The following ATP1A2 variants were observed in gnomAD, a reference collection of about 807,000 sequenced individuals.
The protein encoded by ATP1A2 is ATPase Na+/K+ transporting subunit alpha 2, also known as sodium/potassium-transporting ATPase subunit alpha-2.
A neutral mutation model predicts 113.1 loss-of-function variants in ATP1A2; 56 were observed. The observed-to-expected ratio is 0.49, with a 90% CI of 0.40 to 0.62. ATP1A2 has a LOEUF of 0.62. Ranked by LOEUF, ATP1A2 falls within the 20% of genes least tolerant of loss-of-function variation. ATP1A2 has a pLI of 0.00. For missense variants in ATP1A2, 712 were observed against 1,357.8 expected (o/e 0.52, Z 7.47); for synonymous variants, 490 against 526.8 (o/e 0.93, Z 0.96).
intron 1 of ATP1A2, among the ~76,000 whole-genome samples, chr1:160,118,382 C>A (rs1440300462): frequency 6.6e-6 from 1 of 152,010 alleles, no homozygotes; most frequent in African/African-American, 2.4e-5. Context: ...GCTCAGCCAG[C>A]CTGATCTCTT....
At chr1:160,119,969 C>T (rs1266107560) in intron 1 of ATP1A2, among the ~76,000 whole-genome samples, 1 of 151,418 alleles carries the variant, frequency 6.6e-6, no homozygotes, top group Non-Finnish European at 1.5e-5. Context: ...GTGCAGTGAG[C>T]TGAAATTGCA....
chr1:160,130,642 CA>C, intron 13 of ATP1A2, 45 bp downstream of exon 13: 1 of 1,613,188 alleles, frequency 6.2e-7, no homozygotes, highest in South Asian at 1.1e-5. Flanking sequence ...TCCCCCATGC[CA>C]GAGTTCAAGG....
chr1:160,116,395 G>C (rs1249460058), intron 1 of ATP1A2, among the ~76,000 whole-genome samples: 2 of 151,984 alleles, frequency 1.3e-5, no homozygotes, highest in East Asian at 3.9e-4. Context: ...GGGGCCCTGA[G>C]TGCCAAGGAC....
At chr1:160,123,558 G>C (rs1278432087) in intron 4 of ATP1A2, 142 bp downstream of exon 4, 1 of 1,064,388 alleles carries the variant, frequency 9.4e-7, no homozygotes, top group African/African-American at 1.6e-5. Context: ...GGAAAGGGGA[G>C]AGGCTTCTAT....
chr1:160,124,226 G>A, intron 5 of ATP1A2, 70 bp from the exon 6 acceptor site: 1 of 1,556,628 alleles, frequency 6.4e-7, no homozygotes, highest in Non-Finnish European at 8.7e-7. Context: ...TTGACGGTGT[G>A]GGAGACCAGC....
chr1:160,130,148 T>A lies in ATP1A2; in HGVS notation c.1508T>A (p.Val503Glu). ...GACAGCCCCCAGAGCCACGTGCTGG[T>A]GATGAAGGGGGCCCCAGAGCGCATT... ...REDSPQSHVL[V>E]MKGAPERILD... Residue 503 changes from valine to glutamate, a missense_variant, in exon 12 of 23, where the codon GTG (valine) becomes GAG (glutamate). Val to Glu is a moderately radical substitution (Grantham distance 121). This residue lies in a region of ATP1A2 where 263 missense variants were observed against 380.6 expected (regional missense o/e 0.69). Transcript: ENST00000361216. 6.2e-7 allele frequency: 1 copy of A among 1,614,076 alleles called. No individual in the cohort carries two copies. The highest frequency in any genetic ancestry group is 8.5e-7 in the Non-Finnish European group (1 of 1,180,022).
At position 160,139,938 on chromosome 1, in the gene ATP1A2, C is replaced by T. The variant is rs751107379; in HGVS notation, c.2988C>T (p.Phe996=). The T allele has an allele frequency of 1.9e-6, 3 of 1,614,152 alleles. No individual in the cohort carries two copies. The highest frequency in any genetic ancestry group is 2.5e-6 in the Non-Finnish European group (3 of 1,180,028). ...FCAFPYSLLI[F]IYDEVRKLIL... The stretch of plus-strand genomic sequence containing the variant: ...CCTTCCCCTACAGCCTCCTCATCTT[C>T]ATCTATGATGAGGTCCGAAAGCTCA... The change falls in exon 22 of 23, where the codon TTC becomes TTT. Residue 996 remains phenylalanine, a synonymous_variant. Coordinates refer to ENST00000361216, the MANE Select transcript of ATP1A2 (RefSeq NM_000702.4).
At chr1:160,120,174 T>C (rs980893958) in intron 1 of ATP1A2, among the ~76,000 whole-genome samples, 33 of 152,192 alleles carry the variant, frequency 2.2e-4, no homozygotes, top group African/African-American at 6.3e-4. Flanking sequence ...CAATTGTGCT[T>C]TGGGGGTCCA....
At chr1:160,119,311 C>CTTT (rs1651299287) in intron 1 of ATP1A2, among the ~76,000 whole-genome samples, 2 of 145,142 alleles carry the variant, frequency 1.4e-5, no homozygotes, top group Non-Finnish European at 3.0e-5. Flanking sequence ...GGACCCTACC[C>CTTT]AGGTATCCAC....
At chr1:160,139,827 C>T (rs1652076605) in intron 21 of ATP1A2, 66 bp from the exon 22 acceptor site, 2 of 1,609,932 alleles carry the variant, frequency 1.2e-6, no homozygotes, top group Middle Eastern at 1.7e-4. Context: ...GCTTTGAATG[C>T]TCCTTTATGT....
At chr1:160,133,326 A>G (rs927795141) in intron 13 of ATP1A2, among the ~76,000 whole-genome samples, 1 of 152,068 alleles carries the variant, frequency 6.6e-6, no homozygotes, top group African/African-American at 2.4e-5. Context: ...TTTGGGTGGC[A>G]GTTTCAGTGA....
chr1:160,130,298 G>A lies in ATP1A2; in HGVS notation c.1651+7G>A, dbSNP rs1381652652. ...CTTGGGGAGCGTGTGCTGGGTGAGA[G>A]GCCAGAAACAGGAGGCTCAGAAGGG... On this transcript the variant is annotated splice_region_variant and intron_variant, in intron 12 of 22. Transcript: ENST00000361216. 6.2e-7 allele frequency: 1 copy of A among 1,614,146 alleles called. No individual in the cohort carries two copies. Among genetic ancestry groups the A allele is most frequent in the South Asian group, 1.1e-5 (1 of 91,084 alleles).
chr1:160,123,015 A>T (rs923571389), intron 3 of ATP1A2, among the ~76,000 whole-genome samples, 198 bp from the exon 4 acceptor site: 2 of 152,118 alleles, frequency 1.3e-5, no homozygotes, highest in Non-Finnish European at 2.9e-5. Flanking sequence ...AACCCTTCTC[A>T]GCCCTCAAGC....
chr1:160,124,250 A>G, intron 5 of ATP1A2, 46 bp from the exon 6 acceptor site: 1 of 1,566,024 alleles, frequency 6.4e-7, no homozygotes, highest in Non-Finnish European at 8.7e-7. Flanking sequence ...AGAAGAAGGC[A>G]GGGGCAGAGA....
chr1:160,137,934 T>C (rs1220952287), intron 20 of ATP1A2, among the ~76,000 whole-genome samples: 1 of 151,736 alleles, frequency 6.6e-6, no homozygotes, highest in Admixed American at 6.6e-5. Context: ...AGGAAGGAGA[T>C]TCCAGTAAGC....
chr1:160,123,343 G>T lies in ATP1A2; in HGVS notation c.308G>T (p.Trp103Leu). The part of the protein sequence containing the change: ...QLFGGFSILL[W>L]IGAILCFLAY... The stretch of plus-strand genomic sequence containing the variant: ...TTCGGGGGGTTCTCCATCCTGCTGT[G>T]GATTGGGGCTATCCTCTGCTTCCTG... Residue 103 changes from tryptophan (W) to leucine (L), a missense_variant, in exon 4 of 23, where the codon TGG (tryptophan) becomes TTG (leucine). Trp to Leu is a moderately conservative substitution (Grantham distance 61). This residue lies in a region of ATP1A2 where 109 missense variants were observed against 162.3 expected (regional missense o/e 0.67). Coordinates refer to ENST00000361216, the MANE Select transcript of ATP1A2 (RefSeq NM_000702.4). 1 of 1,614,210 alleles carries T rather than the reference G, an allele frequency of 6.2e-7. No individual in the cohort carries two copies.
intron 3 of ATP1A2, among the ~76,000 whole-genome samples, chr1:160,122,649 C>T (rs1034368669): frequency 6.6e-6 from 1 of 152,158 alleles, no homozygotes; most frequent in Admixed American, 6.5e-5. Flanking sequence ...AGTTGTGTGA[C>T]ACTGACGGTC....
In ATP1A2 at chr1:160,135,448, C is replaced by T. The variant is rs374749325; in HGVS notation, c.2130C>T (p.Ala710=). ...EGCQRQGAIV[A]VTGDGVNDSP... ...CTTCCCTCCAGGGAGCCATTGTGGC[C>T]GTGACGGGTGACGGGGTGAACGACT... is the stretch of plus-strand genomic sequence containing the variant. The change falls in exon 16 of 23, where the codon GCC becomes GCT. Residue 710 remains alanine, a synonymous_variant. Coordinates refer to ENST00000361216, the MANE Select transcript of ATP1A2 (RefSeq NM_000702.4). This position sits in a 1 kb window ranked among gnomAD's most constrained non-coding sequence, Gnocchi z 6.3. The T allele has an allele frequency of 2.7e-4, 429 of 1,614,030 alleles. 2 individuals are homozygous for T. Among genetic ancestry groups the T allele is most frequent in the Non-Finnish European group, 2.6e-4 (312 of 1,180,040 alleles).
chr1:160,135,481 A>G lies in ATP1A2; in HGVS notation c.2163A>G (p.Ala721=), dbSNP rs756923371. The change falls in exon 16 of 23, where the codon GCA becomes GCG. Residue 721 remains alanine, a synonymous_variant. Transcript: ENST00000361216. This position sits in a 1 kb window ranked among gnomAD's most constrained non-coding sequence, Gnocchi z 6.3. Reference sequence around the variant, plus strand: ...GTGACGGGGTGAACGACTCCCCTGCATTGAAGAAGGCTGACATTGGCATTG... The same window carrying G: ...GTGACGGGGTGAACGACTCCCCTGCGTTGAAGAAGGCTGACATTGGCATTG... The part of the protein sequence containing the change: ...VTGDGVNDSP[A]LKKADIGIAM... 4 of 1,614,196 alleles carry G rather than the reference A, an allele frequency of 2.5e-6. No homozygotes were observed. Among genetic ancestry groups the G allele is most frequent in the East Asian group, 4.5e-5 (2 of 44,884 alleles).
Sources: allele counts gnomAD v4.1 joint callset (sites outside exome capture counted in the v4.1 genomes callset), GRCh38; gene constraint gnomAD v4.1.1; regional missense constraint gnomAD v4.1.1; non-coding constraint Gnocchi (gnomAD v3.1); transcripts MANE v1.5; gene names NCBI Gene and HGNC (gene_info 2026-07-23, HGNC 2026-07-21).